The following CCT4 variants were observed in gnomAD, a reference collection of about 807,000 sequenced individuals.
CCT4 encodes the protein chaperonin containing TCP1 subunit 4.
Under a neutral mutation model 62.5 loss-of-function variants are expected in CCT4, and 17 were observed. The ratio of observed to expected loss-of-function variants is 0.27; its 90% CI spans 0.19 to 0.41. The LOEUF (loss-of-function observed/expected upper bound fraction) is 0.41. Among genes scored for constraint, CCT4 ranks in the 10% least tolerant of loss-of-function variants. The pLI is 1.00. For synonymous variants in CCT4, 250 were observed against 229.9 expected (o/e 1.09, Z -0.79); for missense variants, 592 against 659.2 (o/e 0.90, Z 1.12).
In CCT4 at chr2:61,876,223, T is replaced by C. The variant is rs375994998; in HGVS notation, c.789A>G (p.Gln263=). The C allele has an allele frequency of 1.9e-6, 3 of 1,603,746 alleles. No individual in the cohort carries two copies. The African/African-American group carries it at 4.0e-5, about 22-fold the overall frequency. Residue 263 remains glutamine, a synonymous_variant, in exon 8 of 14, where the codon CAA becomes CAG. Coordinates refer to ENST00000394440, the MANE Select transcript of CCT4 (RefSeq NM_006430.4). ...TCTGGGCATAGTCAGAAACCACTAT[T>C]TGATTATCCATCTGTTCAGAAAAAG... The part of the protein sequence containing the change: ...LSAPKTDMDN[Q]IVVSDYAQMD...
In CCT4 at chr2:61,888,415, G is replaced by C. The variant is rs902507996; in HGVS notation, c.93C>G (p.Ala31=). Residue 31 remains alanine, a synonymous_variant, in exon 1 of 14, where the codon GCC becomes GCG. Transcript: ENST00000394440. ...CGGAAATGTTGCTGAAGCGGATCTG[G>C]GCTGGCTTGTCGCGGTCCTGATAGG... ...KGAYQDRDKP[A]QIRFSNISAA... is the part of the protein sequence containing the mutation. 17 of 1,613,072 alleles carry C rather than the reference G, an allele frequency of 1.1e-5. No individual in the cohort carries two copies. Among genetic ancestry groups the C allele is most frequent in the African/African-American group, 6.7e-5 (5 of 74,882 alleles).
chr2:61,883,329 G>A, intron 3 of CCT4, 130 bp downstream of exon 3: 2 of 563,370 alleles, frequency 3.6e-6, no homozygotes, highest in Non-Finnish European at 6.1e-6. Context: ...GCTGAGGCAG[G>A]AGAAATGAAT....
chr2:61,873,754 C>A lies in CCT4; in HGVS notation c.918-461G>T, dbSNP rs563904276. On this transcript the variant is annotated intron_variant, in intron 8 of 13. Transcript: ENST00000394440. Reference sequence around the variant, plus strand: ...CTAATTTTTGTATTTTTAGTAGAGACGGGGTTTCACCATGTTGGCCACGCT... The same window carrying A: ...CTAATTTTTGTATTTTTAGTAGAGAAGGGGTTTCACCATGTTGGCCACGCT... 4.6e-4 allele frequency among the ~76,000 whole-genome samples: 70 copies of A among 152,184 alleles called. 2 individuals carry two copies. Among genetic ancestry groups the A allele is most frequent in the Middle Eastern group, 6.8e-3 (2 of 294 alleles).
chr2:61,870,025 C>T (rs913673888), intron 12 of CCT4, among the ~76,000 whole-genome samples: 3 of 150,994 alleles, frequency 2.0e-5, no homozygotes, highest in Non-Finnish European at 4.4e-5. Flanking sequence ...CGCCTGTAAT[C>T]CCAGCACTTT....
intron 3 of CCT4, among the ~76,000 whole-genome samples, chr2:61,881,401 C>T (rs940528581): frequency 2.6e-5 from 4 of 152,096 alleles, no homozygotes; most frequent in African/African-American, 9.7e-5. Context: ...GGATTACAGG[C>T]ACGAGCCACT....
chr2:61,876,905 T>G lies in CCT4; in HGVS notation c.777+15A>C, dbSNP rs772318367. The G allele has an allele frequency of 2.0e-5, 31 of 1,583,508 alleles. 1 individual carries two copies. The South Asian group carries it at 3.6e-4, about 18-fold the overall frequency. ...GTTAAACACAGAGAACCAATTTCAT[T>G]TGGATTCTACTTACGTCTGTTTTGG... On this transcript the variant is annotated intron_variant, in intron 7 of 13. Transcript: ENST00000394440.
chr2:61,875,212 A>G (rs1378162042), intron 8 of CCT4, among the ~76,000 whole-genome samples: 1 of 149,922 alleles, frequency 6.7e-6, no homozygotes, highest in Non-Finnish European at 1.5e-5. Context: ...AACTGCAAGG[A>G]AAAATAATGA....
chr2:61,878,815 T>C (rs1054631727), intron 5 of CCT4, 54 bp downstream of exon 5: 57 of 1,308,396 alleles, frequency 4.4e-5, no homozygotes, highest in Middle Eastern at 4.0e-4. Context: ...TCAAGAATCA[T>C]AGAGTAACAC....
intron 7 of CCT4, among the ~76,000 whole-genome samples, chr2:61,876,618 G>T (rs1164007695): frequency 6.6e-6 from 1 of 152,148 alleles, no homozygotes; most frequent in Admixed American, 6.5e-5. Context: ...CTATTCACAG[G>T]TCATGGAATA....
chr2:61,883,952 A>G (rs1352201904), intron 2 of CCT4, among the ~76,000 whole-genome samples: 1 of 152,230 alleles, frequency 6.6e-6, no homozygotes, highest in Non-Finnish European at 1.5e-5. Context: ...TCAACACAGT[A>G]ACTTTTTTCC....
In CCT4 at chr2:61,872,597, A is replaced by C; in HGVS notation, c.1126-9T>G. 1 of 1,612,798 alleles carries C rather than the reference A, an allele frequency of 6.2e-7. No individual in the cohort carries two copies. On this transcript the variant is annotated splice_polypyrimidine_tract_variant and intron_variant, in intron 10 of 13. Coordinates refer to ENST00000394440, the MANE Select transcript of CCT4 (RefSeq NM_006430.4). ...CTGGCACAGCCTGTAATCTTCAGTAAACAAATTCCAAATTAAGTATTTGAA... is the reference window on the plus strand; with the variant it reads ...CTGGCACAGCCTGTAATCTTCAGTACACAAATTCCAAATTAAGTATTTGAA...
chr2:61,869,418 T>G (rs1456710809), intron 13 of CCT4, 22 bp downstream of exon 13: 2 of 1,401,444 alleles, frequency 1.4e-6, no homozygotes, highest in South Asian at 1.2e-5. Flanking sequence ...CCTAAGAAAA[T>G]TTGCAACCTG....
rs527672187 is a variant in CCT4 at position 61,888,203 on chromosome 2, G to A, written c.127+178C>T. The stretch of plus-strand genomic sequence containing the variant: ...CAAGTCCAAAGGCCTCCATACTCCG[G>A]GTTGGCGATCATCGGCAGAAAAACA... On this transcript the variant is annotated intron_variant, in intron 1 of 13. Coordinates refer to ENST00000394440, the MANE Select transcript of CCT4 (RefSeq NM_006430.4). 18 of 725,664 alleles carry A rather than the reference G, an allele frequency of 2.5e-5. 1 individual carries two copies. In the African/African-American group the frequency reaches 2.5e-4, roughly 10 times the overall value. 45.0% of individuals were successfully genotyped at this position (725,664 alleles called of 1,614,324 possible).
Position 61,869,448 on chromosome 2 carries a change from C to T in CCT4, c.1597G>A (p.Asp533Asn). ...TETVRSILKIDDVVNTR is the reference protein window; with the variant it reads ...TETVRSILKINDVVNTR ...AACCTGGAAACACTTACCACATCAT[C>T]TATTTTCAGAATGCTCCGAACAGTT... The change falls in exon 13 of 14, where the codon GAT becomes AAT. Residue 533 changes from aspartate (D) to asparagine (N), a missense_variant. Physicochemically the swap from Asp to Asn is conservative, Grantham distance 23. Around this residue, in one of 3 missense-constraint regions of CCT4, gnomAD observed 522 missense variants for 571.2 expected, o/e 0.91. Transcript: ENST00000394440. 1 of 1,589,246 alleles carries T rather than the reference C, an allele frequency of 6.3e-7. No individual in the cohort carries two copies. The highest frequency in any genetic ancestry group is 8.6e-7 in the Non-Finnish European group (1 of 1,157,358).
In CCT4 at chr2:61,888,523, G is replaced by C; in HGVS notation, c.-16C>G. 6.2e-7 allele frequency: 1 copy of C among 1,608,456 alleles called. No individual in the cohort carries two copies. The highest frequency in any genetic ancestry group is 8.5e-7 in the Non-Finnish European group (1 of 1,177,372). ...TCTCGGGCATGGCAAACTCCGCTGT[G>C]TCTGGGTTGGCTCGGGAAGGACGGA... is the stretch of plus-strand genomic sequence containing the variant. On this transcript the variant is annotated 5_prime_UTR_variant, in exon 1 of 14. Transcript: ENST00000394440.
intron 6 of CCT4, 22 bp downstream of exon 6, chr2:61,877,371 A>G: frequency 6.3e-7 from 1 of 1,596,424 alleles, no homozygotes; most frequent in African/African-American, 1.4e-5. Flanking sequence ...TTTTTATTCA[A>G]GTTGTAATTA....
At chr2:61,869,907 C>T (rs1333319362) in intron 12 of CCT4, among the ~76,000 whole-genome samples, 3 of 149,346 alleles carry the variant, frequency 2.0e-5, no homozygotes, top group Non-Finnish European at 4.4e-5. Context: ...GCTGGGATTA[C>T]AGGCGTGAGC....
intron 5 of CCT4, among the ~76,000 whole-genome samples, chr2:61,877,792 A>G (rs1017481826): frequency 1.3e-5 from 2 of 152,206 alleles, no homozygotes; most frequent in Admixed American, 6.6e-5. Flanking sequence ...TCCAAAAAGC[A>G]TAAATTTAAT....
chr2:61,876,211 A>G lies in CCT4; in HGVS notation c.801T>C (p.Ser267=). The part of the protein sequence containing the change: ...KTDMDNQIVV[S]DYAQMDRVLR... Reference sequence around the variant, plus strand: ...GCACTCGGTCCATCTGGGCATAGTCAGAAACCACTATTTGATTATCCATCT... The same window carrying G: ...GCACTCGGTCCATCTGGGCATAGTCGGAAACCACTATTTGATTATCCATCT... The change falls in exon 8 of 14, where the codon TCT becomes TCC. Residue 267 remains serine (S), a synonymous_variant. Coordinates refer to ENST00000394440, the MANE Select transcript of CCT4 (RefSeq NM_006430.4). 6.2e-7 allele frequency: 1 copy of G among 1,607,470 alleles called. No individual in the cohort carries two copies. The highest frequency in any genetic ancestry group is 8.5e-7 in the Non-Finnish European group (1 of 1,176,632).
Sources: gnomAD v4.1 joint callset for allele counts (sites outside exome capture counted in the v4.1 genomes callset) on GRCh38, gnomAD v4.1.1 for gene constraint, gnomAD v4.1.1 regional missense constraint, MANE v1.5 for transcripts, NCBI Gene and HGNC (gene_info 2026-07-23, HGNC 2026-07-21) for gene names.